MTAP: variants seen among roughly 807,000 people sequenced by gnomAD.
The protein encoded by MTAP is S-methyl-5'-thioadenosine phosphorylase.
A neutral mutation model predicts 33.6 loss-of-function variants in MTAP; 33 were observed. That is an observed-to-expected ratio of 0.98 (90% CI 0.74 to 1.31). MTAP has a LOEUF of 1.31. Among genes scored for constraint, MTAP ranks in the 40% most tolerant of loss-of-function variants. The pLI is 0.00. For missense variants in MTAP, 367 were observed against 360.0 expected, an observed-to-expected ratio of 1.02 and a Z score of -0.16; for synonymous variants, 148 against 125.7, an observed-to-expected ratio of 1.18 and a Z score of -1.19.
chr9:21,883,726 G>A lies in MTAP; in HGVS notation c.147+28856G>A, dbSNP rs1227412925. On this transcript the variant is annotated intron_variant, in intron 1 of 1. Transcript: ENST00000577563. ...TGCTGATGTAGCCAGACCACAGGTG[G>A]TCTGGAGTTTCTGAGCAAACAATAG... is the stretch of plus-strand genomic sequence containing the variant. Among the ~76,000 whole-genome samples, 4 of 151,418 alleles carry A rather than the reference G, an allele frequency of 2.6e-5. No homozygotes were observed. The South Asian group carries it at 8.4e-4, about 32-fold the overall frequency.
At chr9:21,822,625 T>G (rs1302976107) in intron 4 of MTAP, among the ~76,000 whole-genome samples, 5 of 152,078 alleles carry the variant, frequency 3.3e-5, no homozygotes, top group Non-Finnish European at 7.4e-5. Context: ...GGGTGGAGAG[T>G]TCTGTAGATG....
At chr9:21,835,101 A>G (rs1825072033) in intron 4 of MTAP, among the ~76,000 whole-genome samples, 1 of 152,182 alleles carries the variant, frequency 6.6e-6, no homozygotes, top group South Asian at 2.1e-4. Flanking sequence ...ACTTTCTCAC[A>G]GATAGCACCT....
At chr9:21,914,704 C>A (rs1818644517) in intron 1 of MTAP, among the ~76,000 whole-genome samples, 1 of 151,494 alleles carries the variant, frequency 6.6e-6, no homozygotes, top group Non-Finnish European at 1.5e-5. Context: ...GGGTGCAGCA[C>A]ACACCAACAT....
downstream of MTAP, among the ~76,000 whole-genome samples, chr9:21,871,264 C>T (rs2118644320): frequency 6.6e-6 from 1 of 152,220 alleles, no homozygotes; most frequent in South Asian, 2.1e-4. Context: ...TTTAAGTGTT[C>T]AGCAGCCACA....
chr9:21,873,697 C>G (rs984855622), intron 1 of MTAP, among the ~76,000 whole-genome samples: 5 of 147,888 alleles, frequency 3.4e-5, no homozygotes, highest in African/African-American at 1.3e-4. Context: ...CCCAAAAGGA[C>G]TAAGACAGCA....
chr9:21,928,056 T>C (rs535396719), intron 1 of MTAP, among the ~76,000 whole-genome samples: 1 of 152,264 alleles, frequency 6.6e-6, no homozygotes, highest in East Asian at 1.9e-4. Flanking sequence ...GTGGGGACTT[T>C]ACTCCCCTCT....
intron 1 of MTAP, among the ~76,000 whole-genome samples, chr9:21,810,715 T>C (rs1173792187): frequency 1.3e-5 from 2 of 152,206 alleles, no homozygotes; most frequent in African/African-American, 4.8e-5. Context: ...AATTACCTCT[T>C]TAAAAACGGC....
downstream of MTAP, chr9:21,932,355 A>T (rs1338683557): frequency 6.6e-6 from 1 of 152,248 alleles, no homozygotes; most frequent in African/African-American, 2.4e-5. Context: ...GGCAAGGAGG[A>T]TAGAGGAGTC....
intron 4 of MTAP, among the ~76,000 whole-genome samples, chr9:21,836,756 G>T (rs1287977433): frequency 1.3e-5 from 2 of 152,182 alleles, no homozygotes; most frequent in Admixed American, 1.3e-4. Flanking sequence ...CTCGGATGGG[G>T]TTTTTGTTCC....
At chr9:21,833,568 T>G (rs1291953345) in intron 4 of MTAP, among the ~76,000 whole-genome samples, 1 of 152,196 alleles carries the variant, frequency 6.6e-6, no homozygotes, top group Non-Finnish European at 1.5e-5. Context: ...ACGCTGCTGT[T>G]TGATTCTTGG....
At chr9:21,804,150 T>C (rs2117872271) in intron 1 of MTAP, among the ~76,000 whole-genome samples, 1 of 152,292 alleles carries the variant, frequency 6.6e-6, no homozygotes, top group African/African-American at 2.4e-5. Context: ...GGGCTAGAAT[T>C]ATATTGTCTA....
chr9:21,856,169 A>G, intron 6 of MTAP: 1 of 985,440 alleles, frequency 1.0e-6, no homozygotes, highest in Non-Finnish European at 1.2e-6. Context: ...ACAAAACTGC[A>G]GTCACTTTTG....
At chr9:21,867,786 G>A (rs1825877904), downstream of MTAP, among the ~76,000 whole-genome samples, 1 of 152,120 alleles carries the variant, frequency 6.6e-6, no homozygotes, top group Admixed American at 6.5e-5. Flanking sequence ...GGAACAGCAG[G>A]TTACATTTGA....
At chr9:21,916,950 C>T (rs991660907) in intron 1 of MTAP, among the ~76,000 whole-genome samples, 4 of 151,882 alleles carry the variant, frequency 2.6e-5, no homozygotes, top group Non-Finnish European at 4.4e-5. Flanking sequence ...TAGAGTTGGC[C>T]CAGACTAGTG....
At chr9:21,914,999 C>T (rs1405244037) in intron 1 of MTAP, among the ~76,000 whole-genome samples, 1 of 113,690 alleles carries the variant, frequency 8.8e-6, no homozygotes, top group African/African-American at 4.4e-5. Flanking sequence ...ACTTTGTTTT[C>T]TTTCCTTCCT....
intron 4 of MTAP, among the ~76,000 whole-genome samples, chr9:21,820,464 A>G (rs2118092456): frequency 6.6e-6 from 1 of 152,114 alleles, no homozygotes; most frequent in South Asian, 2.1e-4. Context: ...GATGTGTGGT[A>G]TTATTTCTGA....
chr9:21,926,884 C>T (rs1211529489), intron 1 of MTAP, among the ~76,000 whole-genome samples: 3 of 152,128 alleles, frequency 2.0e-5, no homozygotes, highest in Non-Finnish European at 4.4e-5. Context: ...AAGCTTTCTC[C>T]AGAATGGATA....
chr9:21,875,086 C>T (rs975216611), intron 1 of MTAP, among the ~76,000 whole-genome samples: 8 of 152,254 alleles, frequency 5.3e-5, no homozygotes, highest in Admixed American at 1.3e-4. Context: ...ATTGGATGGG[C>T]ATTTGGGCTG....
chr9:21,831,946 T>C (rs1824978050), intron 4 of MTAP, among the ~76,000 whole-genome samples: 1 of 152,202 alleles, frequency 6.6e-6, no homozygotes, highest in African/African-American at 2.4e-5. Flanking sequence ...TCTCAAAGAA[T>C]GCAGTGGAAG....
Sources: gnomAD v4.1 joint callset for allele counts (sites outside exome capture counted in the v4.1 genomes callset) on GRCh38, gnomAD v4.1.1 for gene constraint, MANE v1.5 for transcripts, NCBI Gene and HGNC (gene_info 2026-07-23, HGNC 2026-07-21) for gene names.